SENP5: variants seen among roughly 807,000 people sequenced by gnomAD.
The protein encoded by SENP5 is SUMO specific peptidase 5.
In SENP5, 21 loss-of-function variants were observed where a neutral mutation model predicts 74.2. The observed-to-expected ratio is 0.28, with a 90% confidence interval of 0.20 to 0.41. The LOEUF is 0.41. Among genes scored for constraint, SENP5 ranks in the 10% least tolerant of loss-of-function variants. SENP5 has a pLI of 1.00. For synonymous variants in SENP5, 311 were observed against 312.7 expected, an observed-to-expected ratio of 0.99 and a Z score of 0.06; for missense variants, 717 against 889.1, an observed-to-expected ratio of 0.81 and a Z score of 2.46.
At chr3:196,927,585 A>G (rs1350385869) in intron 7 of SENP5, among the ~76,000 whole-genome samples, 1 of 151,092 alleles carries the variant, frequency 6.6e-6, no homozygotes, top group African/African-American at 2.4e-5. Flanking sequence ...GCAGTGAGCT[A>G]TGATCACGCC....
At chr3:196,901,173 G>C (rs1320579883) in intron 5 of SENP5, among the ~76,000 whole-genome samples, 1 of 149,656 alleles carries the variant, frequency 6.7e-6, no homozygotes, top group Non-Finnish European at 1.5e-5. Context: ...AGCCTCCCAA[G>C]TAGCTGGGAT....
At position 196,886,660 on chromosome 3, in the gene SENP5, A is replaced by C. The variant is rs759655928; in HGVS notation, c.1479A>C (p.Pro493=). 1.7e-5 allele frequency: 27 copies of C among 1,585,268 alleles called. No homozygotes were observed. In the East Asian group the frequency reaches 5.8e-4, roughly 34 times the overall value. ...GGGKNSQKAS[P]VDDEQLSVCL... The stretch of plus-strand genomic sequence containing the variant: ...GAAAGAACAGTCAGAAAGCCTCTCC[A>C]GTGGATGATGAACAGCTGTCAGTCT... The change falls in exon 2 of 10, where the codon CCA becomes CCC. Residue 493 remains proline, a synonymous_variant. Transcript: ENST00000323460.
chr3:196,898,430 T>TA (rs763683738), intron 2 of SENP5, among the ~76,000 whole-genome samples: 68 of 144,538 alleles, frequency 4.7e-4, no homozygotes, highest in Middle Eastern at 3.6e-3. Context: ...ACCCTCATCT[T>TA]AAAAAAAAAA....
chr3:196,911,596 A>G (rs1445900966), intron 6 of SENP5, among the ~76,000 whole-genome samples: 2 of 151,526 alleles, frequency 1.3e-5, no homozygotes, highest in African/African-American at 4.8e-5. Context: ...GCCAAAAAAC[A>G]TATGAAAAAA....
At chr3:196,881,185 C>T (rs756760379) in intron 1 of SENP5, among the ~76,000 whole-genome samples, 5 of 152,022 alleles carry the variant, frequency 3.3e-5, no homozygotes, top group Non-Finnish European at 7.4e-5. Flanking sequence ...TGGGCTCAAA[C>T]AGTCCACCCA....
intron 6 of SENP5, chr3:196,914,284 A>G (rs1382582212): frequency 6.6e-6 from 1 of 152,126 alleles, no homozygotes; most frequent in Non-Finnish European, 1.5e-5. Flanking sequence ...TAAACTTAAT[A>G]AAAACTGGCA....
In SENP5 at chr3:196,931,975, G is replaced by C; in HGVS notation, c.*1052G>C. The C allele has an allele frequency of 2.2e-6, 1 of 446,108 alleles. No individual in the cohort carries two copies. The highest frequency in any genetic ancestry group is 2.5e-5 in the Admixed American group (1 of 40,140). 27.6% of individuals were successfully genotyped at this position (446,108 alleles called of 1,614,324 possible). ...TTAGTCCCATGGGAGCGCAGCAACC[G>C]TGTCAGGTTCTTTCTCCTGTCCCAT... On this transcript the variant is annotated 3_prime_UTR_variant, in exon 10 of 10. Coordinates refer to ENST00000323460, the MANE Select transcript of SENP5 (RefSeq NM_152699.5).
At chr3:196,905,635 A>G (rs535024940) in intron 6 of SENP5, among the ~76,000 whole-genome samples, 1 of 152,264 alleles carries the variant, frequency 6.6e-6, no homozygotes, top group East Asian at 1.9e-4. Context: ...ATGGGAAGAG[A>G]TGTAGGGGAG....
chr3:196,883,119 C>G (rs1367143999), intron 1 of SENP5, among the ~76,000 whole-genome samples: 2 of 151,842 alleles, frequency 1.3e-5, no homozygotes, highest in African/African-American at 4.8e-5. Flanking sequence ...TTCCATTTTA[C>G]TCTTTTTTGC....
chr3:196,932,728 A>ATTTTTTTT lies in SENP5; in HGVS notation c.*1826_*1833dup, dbSNP rs142043217. ...AAAACATGCCAGAAATTTGCCTCTGATTTTTTTTTTTTTTTTTTTTTTTTT... is the reference window on the plus strand; with the variant it reads ...AAAACATGCCAGAAATTTGCCTCTGATTTTTTTTTTTTTTTTTTTTTTTTTTTTTTTTT... On this transcript the variant is annotated 3_prime_UTR_variant, in exon 10 of 10. Transcript: ENST00000323460. 1 of 81,704 alleles carries ATTTTTTTT rather than the reference A, an allele frequency of 1.2e-5. No homozygotes were observed. Among genetic ancestry groups the ATTTTTTTT allele is most frequent in the Non-Finnish European group, 2.2e-5 (1 of 45,308 alleles). 5.1% of individuals were successfully genotyped at this position (81,704 alleles called of 1,614,324 possible).
At chr3:196,869,759 CAAAA>C (rs58745670) in intron 1 of SENP5, among the ~76,000 whole-genome samples, 14 of 37,988 alleles carry the variant, frequency 3.7e-4, no homozygotes, top group Admixed American at 1.1e-3. Flanking sequence ...AACTCCGTCT[CAAAA>C]AAAAAAAAAA....
chr3:196,885,280 T>C lies in SENP5; in HGVS notation c.99T>C (p.Phe33=), dbSNP rs748009790. 5.0e-6 allele frequency: 8 copies of C among 1,614,054 alleles called. No individual in the cohort carries two copies. In the East Asian group the frequency reaches 1.8e-4, roughly 36 times the overall value. The change falls in exon 2 of 10, where the codon TTT becomes TTC. Residue 33 remains phenylalanine, a synonymous_variant. Coordinates refer to ENST00000323460, the MANE Select transcript of SENP5 (RefSeq NM_152699.5). ...TTGGAGGCTTTAAGAAGTTTTATTT[T>C]CACCAACACTTGTGCATTCTGAAAG... ...TGFGGFKKFY[F]HQHLCILKAK...
At chr3:196,887,251 C>T (rs1714011600) in intron 2 of SENP5, among the ~76,000 whole-genome samples, 1 of 151,976 alleles carries the variant, frequency 6.6e-6, no homozygotes, top group Non-Finnish European at 1.5e-5. Flanking sequence ...GAGATCTTGG[C>T]TCACCACAAC....
intron 6 of SENP5, among the ~76,000 whole-genome samples, chr3:196,919,049 T>C (rs965765603): frequency 2.0e-5 from 3 of 152,106 alleles, no homozygotes; most frequent in Non-Finnish European, 2.9e-5. Context: ...AAGCAAATAT[T>C]ATCTGAGCTA....
chr3:196,926,092 G>A (rs945129734), intron 7 of SENP5, among the ~76,000 whole-genome samples: 4 of 152,180 alleles, frequency 2.6e-5, no homozygotes, highest in African/African-American at 9.7e-5. Flanking sequence ...ATTCACTAGT[G>A]TCCCCAGCAC....
At chr3:196,892,121 T>A (rs1387193434) in intron 2 of SENP5, among the ~76,000 whole-genome samples, 1 of 148,072 alleles carries the variant, frequency 6.8e-6, no homozygotes, top group Admixed American at 6.9e-5. Context: ...AAAAAAAAAA[T>A]ACAGGAAATC....
Position 196,934,581 on chromosome 3 carries a change from A to ACGAG in SENP5, c.*3660_*3663dup, listed in dbSNP as rs1716173944. ...TTGGGTGTTACAAAAGCAGACCTAG[A>ACGAG]CGAGCTGTTCACTTAACTGGTACCT... On this transcript the variant is annotated 3_prime_UTR_variant, in exon 10 of 10. Coordinates refer to ENST00000323460, the MANE Select transcript of SENP5 (RefSeq NM_152699.5). 1 of 152,258 alleles carries ACGAG rather than the reference A, an allele frequency of 6.6e-6. No homozygotes were observed. Among genetic ancestry groups the ACGAG allele is most frequent in the African/African-American group, 2.4e-5 (1 of 41,462 alleles). The allele number at this position is 152,258 out of a possible 1,614,324, so 9.4% of individuals were successfully genotyped here. A position where few individuals can be genotyped will look rare whatever the true frequency, so the allele number is the denominator to read the frequency against.
intron 1 of SENP5, among the ~76,000 whole-genome samples, chr3:196,876,518 A>C (rs760386745): frequency 2.3e-4 from 13 of 57,040 alleles, no homozygotes; most frequent in South Asian, 5.0e-4. Context: ...ATTCTGTCTC[A>C]AAAAAAAAAA....
intron 2 of SENP5, among the ~76,000 whole-genome samples, chr3:196,889,235 C>T (rs896787108): frequency 6.6e-6 from 1 of 151,730 alleles, no homozygotes; most frequent in South Asian, 2.1e-4. Flanking sequence ...TCTATACTGT[C>T]CTAGAGTAAA....
Sources: allele counts gnomAD v4.1 joint callset (sites outside exome capture counted in the v4.1 genomes callset), GRCh38; gene constraint gnomAD v4.1.1; transcripts MANE v1.5; gene names NCBI Gene and HGNC (gene_info 2026-07-23, HGNC 2026-07-21).